GALNT2: variants seen among roughly 807,000 people sequenced by gnomAD.
GALNT2 encodes the protein UDP-GalNAc:polypeptide N-acetylgalactosaminyltransferase 2.
GALNT2 carries 31 observed loss-of-function variants against 81.4 expected under a neutral mutation model. The ratio of observed to expected loss-of-function variants is 0.38; its 90% CI spans 0.29 to 0.51. The LOEUF is 0.51. GALNT2 is among the 20% of genes least tolerant of loss of function. GALNT2 has a pLI of 0.87. For missense variants in GALNT2, 629 were observed against 765.7 expected (o/e 0.82, Z 2.11); for synonymous variants, 303 against 287.4 (o/e 1.05, Z -0.55).
chr1:230,103,519 C>T lies in GALNT2; in HGVS notation c.126+36113C>T, dbSNP rs1278825424. On this transcript the variant is annotated intron_variant, in intron 1 of 15. Transcript: ENST00000366672. ...TTGGTGGTTGGAAAGAAATGTAAGT[C>T]ACCTTTTTTTCTGGTTGGTTCTGGG... Among the ~76,000 whole-genome samples the T allele has an allele frequency of 3.9e-5, 6 of 152,132 alleles. No homozygotes were observed. The East Asian group carries it at 1.2e-3, about 29-fold the overall frequency.
At chr1:230,065,457 G>A (rs376700715), upstream of GALNT2, among the ~76,000 whole-genome samples, 35 of 152,146 alleles carry the variant, frequency 2.3e-4, no homozygotes, top group South Asian at 1.0e-3. Flanking sequence ...ATACAAATAC[G>A]TGACACTTTG....
rs747593112 is a variant in GALNT2 at position 230,279,597 on chromosome 1, C to G, written c.*139C>G. On this transcript the variant is annotated 3_prime_UTR_variant, in exon 16 of 16. Transcript: ENST00000366672. This position sits in a 1 kb window ranked among gnomAD's most constrained non-coding sequence, Gnocchi z 4.6. ...CCATCATGGTCTGAAAGTCAAACTT[C>G]GGCAAGGCACGGACGACTGTGCAGA... is the stretch of plus-strand genomic sequence containing the variant. 9.3e-7 allele frequency: 1 copy of G among 1,077,052 alleles called. No individual in the cohort carries two copies. The highest frequency in any genetic ancestry group is 1.6e-5 in the South Asian group (1 of 61,920). 66.7% of individuals were successfully genotyped at this position (1,077,052 alleles called of 1,614,324 possible).
chr1:230,230,226 T>A (rs1664828452), intron 3 of GALNT2, among the ~76,000 whole-genome samples: 1 of 152,158 alleles, frequency 6.6e-6, no homozygotes, highest in Non-Finnish European at 1.5e-5. Context: ...AAACTTTTTT[T>A]TTTTCTTAGT....
chr1:230,189,461 T>C (rs1485570597), intron 2 of GALNT2, among the ~76,000 whole-genome samples: 2 of 152,204 alleles, frequency 1.3e-5, no homozygotes, highest in African/African-American at 4.8e-5. Flanking sequence ...AGGGTGTGAA[T>C]TGCCACTGAT....
At position 230,274,460 on chromosome 1, in the gene GALNT2, AAGG is replaced by A. The variant is rs1279418307; in HGVS notation, c.1459_1461del (p.Glu487del). The A allele has an allele frequency of 1.2e-6, 2 of 1,613,632 alleles. No homozygotes were observed. The highest frequency in any genetic ancestry group is 1.3e-5 in the African/African-American group (1 of 75,034). On this transcript the variant is annotated inframe_deletion, in exon 15 of 16. Coordinates refer to ENST00000366672, the MANE Select transcript of GALNT2 (RefSeq NM_004481.5). ...TGTGTTCCAGGAATGGGCCTTGACGAAGGAGAAGTCGGTGAAGCACATGGATTT... is the reference window on the plus strand; with the variant it reads ...TGTGTTCCAGGAATGGGCCTTGACGAAGAAGTCGGTGAAGCACATGGATTT...
chr1:230,184,064 C>T (rs893302347), intron 2 of GALNT2, among the ~76,000 whole-genome samples: 15 of 151,570 alleles, frequency 9.9e-5, no homozygotes, highest in Non-Finnish European at 1.8e-4. Context: ...GGTTTCTGAT[C>T]GATGTTATTT....
chr1:230,146,277 C>T (rs562931218), intron 1 of GALNT2, among the ~76,000 whole-genome samples: 61 of 152,278 alleles, frequency 4.0e-4, no homozygotes, highest in African/African-American at 1.2e-3. Flanking sequence ...GGAGGAGTCC[C>T]GCGCCTTCTC....
Position 230,103,475 on chromosome 1 carries a change from C to T in GALNT2, c.126+36069C>T, listed in dbSNP as rs371438554. Among the ~76,000 whole-genome samples the T allele has an allele frequency of 7.9e-5, 12 of 152,340 alleles. No individual in the cohort carries two copies. The South Asian group carries it at 2.5e-3, about 32-fold the overall frequency. ...CCCAGCCAACATCTGCAACTGTGAA[C>T]AGATTTCCATCTTCAGCCTTGGTGG... is the stretch of plus-strand genomic sequence containing the variant. On this transcript the variant is annotated intron_variant, in intron 1 of 15. Transcript: ENST00000366672.
chr1:230,209,461 C>T (rs1039721328), intron 3 of GALNT2, among the ~76,000 whole-genome samples: 2 of 152,158 alleles, frequency 1.3e-5, no homozygotes, highest in Non-Finnish European at 2.9e-5. Flanking sequence ...ACAGGGCCAC[C>T]TGCAAGCCAG....
chr1:230,102,161 A>G (rs1300325925), intron 1 of GALNT2, among the ~76,000 whole-genome samples: 2 of 152,138 alleles, frequency 1.3e-5, no homozygotes, highest in Non-Finnish European at 2.9e-5. Flanking sequence ...TTGGAAGAAG[A>G]TTTTTCCCTC....
At chr1:230,124,865 G>T (rs1661126455) in intron 1 of GALNT2, among the ~76,000 whole-genome samples, 1 of 151,396 alleles carries the variant, frequency 6.6e-6, no homozygotes, top group Non-Finnish European at 1.5e-5. Flanking sequence ...TGAGAACCCA[G>T]CTATGTGGTT....
chr1:230,275,890 T>C lies in GALNT2; in HGVS notation c.1560+1326T>C, dbSNP rs1008692494. ...TATAAATGCCACAGATATATACATA[T>C]ATAAACACCACATATATACATAGAC... On this transcript the variant is annotated intron_variant, in intron 15 of 15. Coordinates refer to ENST00000366672, the MANE Select transcript of GALNT2 (RefSeq NM_004481.5). This position sits in a 1 kb window ranked among gnomAD's most constrained non-coding sequence, Gnocchi z 5.5. 2.0e-5 allele frequency among the ~76,000 whole-genome samples: 3 copies of C among 150,970 alleles called. No individual in the cohort carries two copies. The highest frequency in any genetic ancestry group is 1.3e-4 in the Admixed American group (2 of 15,102).
chr1:230,079,669 T>C (rs1659669610), intron 1 of GALNT2, among the ~76,000 whole-genome samples: 3 of 152,212 alleles, frequency 2.0e-5, no homozygotes, highest in South Asian at 2.1e-4. Flanking sequence ...TAACCCTTTA[T>C]TGAAACTGCT....
intron 1 of GALNT2, among the ~76,000 whole-genome samples, chr1:230,073,544 T>C (rs539477554): frequency 1.3e-5 from 2 of 152,262 alleles, no homozygotes; most frequent in Admixed American, 1.3e-4. Context: ...CCCAGAAGCA[T>C]GGGGTGTTTT....
In GALNT2 at chr1:230,250,611, A is replaced by G. The variant is rs768975664; in HGVS notation, c.1009+51A>G. 6.4e-6 allele frequency: 9 copies of G among 1,405,186 alleles called. No homozygotes were observed. In the East Asian group the frequency reaches 2.1e-4, roughly 32 times the overall value. The allele number at this position is 1,405,186 out of a possible 1,614,324, so 87.0% of individuals were successfully genotyped here. On this transcript the variant is annotated intron_variant, in intron 10 of 15. Transcript: ENST00000366672. ...ACAGAGAAGTGCCTCAGCTCTGCAA[A>G]AGGCAGGGTGCCAATTGGAAAAAAA...
chr1:230,074,628 GA>G (rs1457581329), intron 1 of GALNT2, among the ~76,000 whole-genome samples: 2 of 152,224 alleles, frequency 1.3e-5, no homozygotes, highest in African/African-American at 4.8e-5. Flanking sequence ...ATTATGGTTA[GA>G]CCTTCTTGTA....
At chr1:230,175,301 A>G (rs1471211340) in intron 1 of GALNT2, among the ~76,000 whole-genome samples, 1 of 152,182 alleles carries the variant, frequency 6.6e-6, no homozygotes, top group African/African-American at 2.4e-5. Context: ...AAGCTATCTT[A>G]TCTAGAGGCA....
At chr1:230,188,410 G>A (rs530998530) in intron 2 of GALNT2, among the ~76,000 whole-genome samples, 12 of 152,332 alleles carry the variant, frequency 7.9e-5, no homozygotes, top group East Asian at 7.7e-4. Flanking sequence ...ATCTGGGTTC[G>A]GAACAAGGAT....
intron 2 of GALNT2, among the ~76,000 whole-genome samples, chr1:230,199,935 G>A (rs1158289793): frequency 6.6e-6 from 1 of 152,168 alleles, no homozygotes; most frequent in African/African-American, 2.4e-5. Context: ...TTTCTGCAGG[G>A]AAGCCGCCCC....
Sources: allele counts gnomAD v4.1 joint callset (sites outside exome capture counted in the v4.1 genomes callset), GRCh38; gene constraint gnomAD v4.1.1; non-coding constraint Gnocchi (gnomAD v3.1); transcripts MANE v1.5; gene names NCBI Gene and HGNC (gene_info 2026-07-23, HGNC 2026-07-21).